ADAMTS12: variants seen among roughly 807,000 people sequenced by gnomAD.
ADAMTS12 encodes ADAM metallopeptidase with thrombospondin type 1 motif 12.
A neutral mutation model predicts 167.8 loss-of-function variants in ADAMTS12; 118 were observed. That is an observed-to-expected ratio of 0.70 (90% confidence interval 0.61 to 0.82). ADAMTS12 has a LOEUF of 0.82. Ranked by LOEUF, ADAMTS12 falls within the 40% of genes least tolerant of loss-of-function variation. The pLI is 0.00. For missense variants in ADAMTS12, 1,916 were observed against 1,998.8 expected (o/e 0.96, Z 0.79); for synonymous variants, 704 against 716.9 (o/e 0.98, Z 0.29).
At chr5:33,824,764 C>T (rs1340433860) in intron 2 of ADAMTS12, among the ~76,000 whole-genome samples, 1 of 152,154 alleles carries the variant, frequency 6.6e-6, no homozygotes, top group Non-Finnish European at 1.5e-5. Context: ...TCTGGTCACA[C>T]AAGAAAACTT....
intron 2 of ADAMTS12, among the ~76,000 whole-genome samples, chr5:33,832,390 TTG>T (rs768986667): frequency 3.3e-5 from 5 of 152,160 alleles, no homozygotes; most frequent in Admixed American, 1.3e-4. Context: ...ACTGAACATT[TTG>T]TGAGGAAAAA....
chr5:33,740,671 T>C (rs147152520), intron 3 of ADAMTS12, among the ~76,000 whole-genome samples: 1 of 152,340 alleles, frequency 6.6e-6, no homozygotes, highest in African/African-American at 2.4e-5. Flanking sequence ...CCCAGGCTCC[T>C]ACCAGGGGCA....
At chr5:33,757,189 C>T (rs1745198266) in intron 2 of ADAMTS12, among the ~76,000 whole-genome samples, 1 of 152,122 alleles carries the variant, frequency 6.6e-6, no homozygotes, top group South Asian at 2.1e-4. Context: ...AAAATGTGAC[C>T]TACTTCACTA....
At chr5:33,529,246 T>A (rs971975090) in intron 23 of ADAMTS12, among the ~76,000 whole-genome samples, 1 of 152,158 alleles carries the variant, frequency 6.6e-6, no homozygotes, top group Non-Finnish European at 1.5e-5. Context: ...GGAAAGTGTG[T>A]CCTTTAATTT....
intron 3 of ADAMTS12, among the ~76,000 whole-genome samples, chr5:33,687,960 C>A (rs1340868101): frequency 6.6e-6 from 1 of 152,162 alleles, no homozygotes; most frequent in Non-Finnish European, 1.5e-5. Flanking sequence ...CTCTTCTCAG[C>A]TGGCATAGCT....
intron 2 of ADAMTS12, among the ~76,000 whole-genome samples, chr5:33,852,782 T>C (rs1469647588): frequency 1.3e-5 from 2 of 152,218 alleles, no homozygotes; most frequent in African/African-American, 4.8e-5. Flanking sequence ...AGGTCATTTG[T>C]ATGTGTTTGT....
intron 17 of ADAMTS12, among the ~76,000 whole-genome samples, chr5:33,589,932 T>C (rs1747551632): frequency 1.3e-5 from 2 of 152,210 alleles, no homozygotes; most frequent in Admixed American, 6.5e-5. Flanking sequence ...GTTAAAAATA[T>C]CAGAAGAAAG....
chr5:33,753,175 A>G (rs1745056033), intron 2 of ADAMTS12, among the ~76,000 whole-genome samples: 1 of 152,256 alleles, frequency 6.6e-6, no homozygotes, highest in African/African-American at 2.4e-5. Flanking sequence ...AAGCTTGTAA[A>G]AGTGCCATGC....
intron 5 of ADAMTS12, among the ~76,000 whole-genome samples, chr5:33,682,273 G>A (rs886348627): frequency 6.6e-6 from 1 of 152,198 alleles, no homozygotes; most frequent in African/African-American, 2.4e-5. Flanking sequence ...GTGATTTGGG[G>A]AATGGAGGTG....
chr5:33,618,954 C>T (rs112187819), intron 14 of ADAMTS12, among the ~76,000 whole-genome samples: 7,688 of 152,212 alleles, frequency 0.051, 651 homozygotes, highest in African/African-American at 0.18. Flanking sequence ...GTTGACACTC[C>T]TTTCCAAAGA....
chr5:33,717,168 T>C (rs1743646391), intron 3 of ADAMTS12, among the ~76,000 whole-genome samples: 1 of 151,654 alleles, frequency 6.6e-6, no homozygotes. Flanking sequence ...GAGAGAGGTG[T>C]GGGGCACAAC....
At chr5:33,724,414 C>G (rs1238015971) in intron 3 of ADAMTS12, among the ~76,000 whole-genome samples, 3 of 151,268 alleles carry the variant, frequency 2.0e-5, no homozygotes, top group Non-Finnish European at 4.4e-5. Flanking sequence ...AACAGACATA[C>G]TTTTCTGTCC....
At chr5:33,891,648 G>T in intron 1 of ADAMTS12, 82 bp downstream of exon 1, 1 of 1,588,184 alleles carries the variant, frequency 6.3e-7, no homozygotes, top group Non-Finnish European at 8.6e-7. Flanking sequence ...TCTGCCGGGT[G>T]GGGGAAGGGA....
chr5:33,653,088 G>T (rs1489302732), intron 7 of ADAMTS12, among the ~76,000 whole-genome samples: 2 of 152,030 alleles, frequency 1.3e-5, no homozygotes, highest in Non-Finnish European at 2.9e-5. Context: ...AATGGACATC[G>T]TTGTCTTGTT....
chr5:33,743,657 AAATCACT>A lies in ADAMTS12; in HGVS notation c.634+7740_634+7746del, dbSNP rs1744679408. Among the ~76,000 whole-genome samples, 3 of 152,266 alleles carry A rather than the reference AAATCACT, an allele frequency of 2.0e-5. No homozygotes were observed. The South Asian group carries it at 6.2e-4, about 32-fold the overall frequency. On this transcript the variant is annotated intron_variant, in intron 3 of 23. Coordinates refer to ENST00000504830, the MANE Select transcript of ADAMTS12 (RefSeq NM_030955.4). Reference sequence around the variant, plus strand: ...AGTGTGGGAGCTCGCTGAGTAAATGAAATCACTTGCTTTCTTTTTCTATCTGCGTCTA... The same window carrying A: ...AGTGTGGGAGCTCGCTGAGTAAATGATGCTTTCTTTTTCTATCTGCGTCTA...
chr5:33,615,861 G>A lies in ADAMTS12; in HGVS notation c.2355C>T (p.Ala785=), dbSNP rs1738979091. Residue 785 remains alanine (A), a synonymous_variant, in exon 15 of 24, where the codon GCC becomes GCT. Transcript: ENST00000504830. ...ACACAGACTCATTGGTGGGACCTGTGGCCATCAGCTTTTCCAGGTCTCCTT... is the reference window on the plus strand; with the variant it reads ...ACACAGACTCATTGGTGGGACCTGTAGCCATCAGCTTTTCCAGGTCTCCTT... ...DRKGDLEKLM[A]TGPTNESVWI... 1 of 1,614,110 alleles carries A rather than the reference G, an allele frequency of 6.2e-7. No individual in the cohort carries two copies.
intron 2 of ADAMTS12, among the ~76,000 whole-genome samples, chr5:33,805,635 G>T (rs1293398236): frequency 6.6e-6 from 1 of 152,182 alleles, no homozygotes; most frequent in Non-Finnish European, 1.5e-5. Context: ...TCACAGAATA[G>T]ACCTATGCAC....
intron 19 of ADAMTS12, among the ~76,000 whole-genome samples, chr5:33,569,175 C>A (rs528238037): frequency 4.1e-4 from 63 of 152,350 alleles, no homozygotes; most frequent in African/African-American, 1.5e-3. Context: ...AGGGCACAGA[C>A]AAACAAAAAG....
At chr5:33,585,859 G>C (rs1029219003) in intron 18 of ADAMTS12, among the ~76,000 whole-genome samples, 1 of 152,232 alleles carries the variant, frequency 6.6e-6, no homozygotes. Context: ...GCTGGGACAG[G>C]GATGAGTGTA....
Sources: gnomAD v4.1 joint callset for allele counts (sites outside exome capture counted in the v4.1 genomes callset) on GRCh38, gnomAD v4.1.1 for gene constraint, MANE v1.5 for transcripts, NCBI Gene and HGNC (gene_info 2026-07-23, HGNC 2026-07-21) for gene names.